CPQ: variants seen among roughly 807,000 people sequenced by gnomAD.
CPQ encodes carboxypeptidase Q.
In CPQ, 37 loss-of-function variants were observed where a neutral mutation model predicts 45.7. That is an observed-to-expected ratio of 0.81 (90% CI 0.62 to 1.07). The LOEUF is 1.07. Among genes scored for constraint, CPQ ranks in the 50% least tolerant of loss-of-function variants. The pLI, the probability that CPQ is intolerant of heterozygous loss-of-function variation, is 0.00. For missense variants in CPQ, 537 were observed against 572.9 expected, an observed-to-expected ratio of 0.94 and a Z score of 0.64; for synonymous variants, 186 against 205.8, an observed-to-expected ratio of 0.90 and a Z score of 0.82.
chr8:96,897,049 T>G (rs1812451213), intron 4 of CPQ, among the ~76,000 whole-genome samples: 1 of 152,188 alleles, frequency 6.6e-6, no homozygotes, highest in Admixed American at 6.5e-5. Flanking sequence ...CACATGCTAC[T>G]CTATTAAAAT....
chr8:97,023,819 G>C (rs994905733), intron 5 of CPQ, among the ~76,000 whole-genome samples: 3 of 152,148 alleles, frequency 2.0e-5, no homozygotes, highest in Non-Finnish European at 4.4e-5. Flanking sequence ...CCCCTGAATT[G>C]TCCATGAATC....
intron 7 of CPQ, among the ~76,000 whole-genome samples, chr8:97,093,924 A>C (rs1811169002): frequency 1.3e-5 from 2 of 152,172 alleles, no homozygotes; most frequent in African/African-American, 4.8e-5. Flanking sequence ...GTGGTATCCT[A>C]AATTCACTGA....
At chr8:97,023,195 A>C (rs1360738282) in intron 5 of CPQ, among the ~76,000 whole-genome samples, 4 of 151,680 alleles carry the variant, frequency 2.6e-5, no homozygotes. Context: ...GAGACTGGAG[A>C]CTATTATTCT....
At chr8:96,693,779 G>T (rs1286129927) in intron 1 of CPQ, among the ~76,000 whole-genome samples, 3 of 152,064 alleles carry the variant, frequency 2.0e-5, no homozygotes. Context: ...GAAGGCAAAG[G>T]ACTCAGTGGT....
At chr8:96,679,886 C>A (rs533150674) in intron 1 of CPQ, among the ~76,000 whole-genome samples, 1 of 151,682 alleles carries the variant, frequency 6.6e-6, no homozygotes, top group East Asian at 1.9e-4. Flanking sequence ...TTTCATCGAT[C>A]CTTTGTACTT....
chr8:96,914,851 A>G (rs994783986), intron 4 of CPQ, among the ~76,000 whole-genome samples: 5 of 152,132 alleles, frequency 3.3e-5, no homozygotes, highest in Admixed American at 1.3e-4. Context: ...TTGTTGATGT[A>G]AGCTGAAATT....
chr8:96,975,776 T>A (rs1045125541), intron 5 of CPQ, among the ~76,000 whole-genome samples: 1 of 152,098 alleles, frequency 6.6e-6, no homozygotes, highest in Non-Finnish European at 1.5e-5. Context: ...AGAAGAAGCA[T>A]TTGACAAAAT....
intron 1 of CPQ, among the ~76,000 whole-genome samples, chr8:96,668,681 C>T (rs1484805812): frequency 6.6e-6 from 1 of 152,012 alleles, no homozygotes; most frequent in African/African-American, 2.4e-5. Context: ...AACTAAAAAC[C>T]CTTGACATTA....
intron 4 of CPQ, among the ~76,000 whole-genome samples, chr8:96,952,772 G>C (rs1813287089): frequency 6.6e-6 from 1 of 152,138 alleles, no homozygotes; most frequent in African/African-American, 2.4e-5. Flanking sequence ...TGATAATTTT[G>C]TGGAACTTTC....
intron 6 of CPQ, among the ~76,000 whole-genome samples, chr8:97,060,263 C>A (rs1346419620): frequency 1.3e-5 from 2 of 152,070 alleles, no homozygotes; most frequent in African/African-American, 2.4e-5. Flanking sequence ...AAACACTTTT[C>A]TTTTGAATCT....
intron 5 of CPQ, among the ~76,000 whole-genome samples, chr8:97,002,255 A>G (rs982568943): frequency 4.0e-5 from 6 of 151,838 alleles, no homozygotes; most frequent in Admixed American, 2.0e-4. Flanking sequence ...TTGTGTCTCT[A>G]TCTCCTTCAA....
intron 4 of CPQ, among the ~76,000 whole-genome samples, chr8:96,898,511 A>C (rs1812471686): frequency 6.6e-6 from 1 of 151,722 alleles, no homozygotes; most frequent in Non-Finnish European, 1.5e-5. Context: ...GCAAAAGATA[A>C]TCAGGTGATT....
chr8:96,907,827 A>C (rs1812598272), intron 4 of CPQ, among the ~76,000 whole-genome samples: 2 of 152,112 alleles, frequency 1.3e-5, no homozygotes, highest in African/African-American at 4.8e-5. Context: ...GTCCTATCCT[A>C]CTGTTAATAA....
intron 2 of CPQ, among the ~76,000 whole-genome samples, chr8:96,825,723 C>T (rs907098985): frequency 6.6e-6 from 1 of 151,968 alleles, no homozygotes; most frequent in Non-Finnish European, 1.5e-5. Flanking sequence ...CCAAGTTTAT[C>T]ATTATTTAGG....
intron 7 of CPQ, among the ~76,000 whole-genome samples, chr8:97,114,726 A>G (rs1260571212): frequency 1.3e-5 from 2 of 152,206 alleles, no homozygotes; most frequent in Non-Finnish European, 2.9e-5. Context: ...TGTTATTGCC[A>G]GTTGTCAGTA....
At chr8:96,910,883 C>T (rs935991294) in intron 4 of CPQ, among the ~76,000 whole-genome samples, 1 of 151,976 alleles carries the variant, frequency 6.6e-6, no homozygotes, top group Non-Finnish European at 1.5e-5. Context: ...TGAAGTCACA[C>T]AGAAGGCTGA....
intron 5 of CPQ, among the ~76,000 whole-genome samples, chr8:97,023,020 A>ATATACAG (rs1809730322): frequency 6.8e-6 from 1 of 146,818 alleles, no homozygotes; most frequent in Non-Finnish European, 1.5e-5. Flanking sequence ...TATATATAGT[A>ATATACAG]TATATATACA....
intron 3 of CPQ, among the ~76,000 whole-genome samples, chr8:96,845,263 A>T (rs955161064): frequency 6.6e-6 from 1 of 152,064 alleles, no homozygotes. Context: ...CTACCTACCT[A>T]TCTAGTTTTC....
rs143850322 is a variant in CPQ, at chr8:96,648,102, C to T, written c.-35+2700C>T. Among the ~76,000 whole-genome samples, 593 of 152,226 alleles carry T rather than the reference C, an allele frequency of 3.9e-3. 4 individuals are homozygous for T. The highest frequency in any genetic ancestry group is 6.9e-3 in the Non-Finnish European group (466 of 68,016). On this transcript the variant is annotated intron_variant, in intron 1 of 7. Coordinates refer to ENST00000220763, the MANE Select transcript of CPQ (RefSeq NM_016134.4). ...ATAATTAATTGAAGAGAGCAAAAGA[C>T]GAAAAGAGAGGCCCATAAAATAAAT...
Sources: allele counts gnomAD v4.1 joint callset (sites outside exome capture counted in the v4.1 genomes callset), GRCh38; gene constraint gnomAD v4.1.1; transcripts MANE v1.5; gene names NCBI Gene and HGNC (gene_info 2026-07-23, HGNC 2026-07-21).